Variants in PHTF1 observed in about 807,000 individuals in gnomAD.
PHTF1 encodes the protein protein PHTF1.
In PHTF1, 88 loss-of-function variants were observed where a neutral mutation model predicts 102.4. That is an observed-to-expected ratio of 0.86 (90% confidence interval 0.72 to 1.03). The LOEUF (loss-of-function observed/expected upper bound fraction) is 1.03. PHTF1 is among the 50% of genes least tolerant of loss of function. PHTF1 has a pLI of 0.00. For synonymous variants in PHTF1, 289 were observed against 305.2 expected (o/e 0.95, Z 0.55); for missense variants, 814 against 909.5 (o/e 0.89, Z 1.35).
At chr1:113,744,730 CCCTGACCTCAGGGCGACCAG>C (rs1441940756) in intron 3 of PHTF1, among the ~76,000 whole-genome samples, 8 of 152,120 alleles carry the variant, frequency 5.3e-5, no homozygotes, top group African/African-American at 7.2e-5. Context: ...CAGGCAGATT[CCCTGACCTCAGGGCGACCAG>C]CCTGGGCAAT....
At chr1:113,712,784 A>AT (rs35092721) in intron 8 of PHTF1, among the ~76,000 whole-genome samples, 3,538 of 131,434 alleles carry the variant, frequency 0.027, 147 homozygotes, top group African/African-American at 0.085. Flanking sequence ...AACTCACAAA[A>AT]TTTTTTTTTT....
intron 7 of PHTF1, among the ~76,000 whole-genome samples, chr1:113,722,034 TA>T (rs1653036069): frequency 6.6e-6 from 1 of 151,566 alleles, no homozygotes; most frequent in East Asian, 1.9e-4. Flanking sequence ...GCAAACAATC[TA>T]AAAAAGAAAT....
chr1:113,729,119 C>T (rs1292051544), intron 5 of PHTF1, among the ~76,000 whole-genome samples: 1 of 152,130 alleles, frequency 6.6e-6, no homozygotes, highest in East Asian at 1.9e-4. Flanking sequence ...TCATTTGCAA[C>T]AACATGGATG....
At chr1:113,728,113 G>A (rs1179618890) in intron 5 of PHTF1, among the ~76,000 whole-genome samples, 3 of 152,134 alleles carry the variant, frequency 2.0e-5, no homozygotes, top group Non-Finnish European at 4.4e-5. Flanking sequence ...GGAGGGCCGG[G>A]CCGAGGGAAG....
intron 3 of PHTF1, among the ~76,000 whole-genome samples, chr1:113,742,035 A>G (rs557762691): frequency 6.6e-6 from 1 of 152,326 alleles, no homozygotes; most frequent in Non-Finnish European, 1.5e-5. Flanking sequence ...GTGTAACAAG[A>G]GGAAGTACAT....
At chr1:113,744,456 G>C (rs768628741) in intron 3 of PHTF1, among the ~76,000 whole-genome samples, 1 of 152,196 alleles carries the variant, frequency 6.6e-6, no homozygotes, top group African/African-American at 2.4e-5. Context: ...CTGGTGCAGA[G>C]AGGGAAGTTA....
chr1:113,697,533 G>GTTGGAAAAGGAC lies in PHTF1; in HGVS notation c.*160_*171dup, dbSNP rs1648928457. On this transcript the variant is annotated 3_prime_UTR_variant, in exon 19 of 19. Transcript: ENST00000369604. ...TACAGGTTTTTAGCATGCACACCCA[G>GTTGGAAAAGGAC]TTGGAAAAGGACTTGCTCCTCCGGA... The GTTGGAAAAGGAC allele has an allele frequency of 1.8e-6, 1 of 568,940 alleles. No individual in the cohort carries two copies. Among genetic ancestry groups the GTTGGAAAAGGAC allele is most frequent in the South Asian group, 2.2e-5 (1 of 45,128 alleles). 35.2% of individuals were successfully genotyped at this position (568,940 alleles called of 1,614,324 possible).
At chr1:113,748,836 C>A (rs1359520689) in intron 3 of PHTF1, among the ~76,000 whole-genome samples, 1 of 152,170 alleles carries the variant, frequency 6.6e-6, no homozygotes, top group Non-Finnish European at 1.5e-5. Flanking sequence ...CCAGCCACCC[C>A]TGAATTTATT....
chr1:113,706,954 T>C (rs923616625), intron 11 of PHTF1, among the ~76,000 whole-genome samples: 2 of 146,410 alleles, frequency 1.4e-5, no homozygotes, highest in African/African-American at 5.0e-5. Flanking sequence ...CCTCCCTCTA[T>C]ACAGCCTTCT....
At chr1:113,749,991 GTTTTGT>G (rs1310082717) in intron 3 of PHTF1, among the ~76,000 whole-genome samples, 2 of 151,432 alleles carry the variant, frequency 1.3e-5, no homozygotes, top group African/African-American at 4.8e-5. Context: ...TTTGGGTTTT[GTTTTGT>G]TTTTGTTTTT....
At chr1:113,733,102 G>A (rs1454107137) in intron 5 of PHTF1, among the ~76,000 whole-genome samples, 11 of 113,416 alleles carry the variant, frequency 9.7e-5, no homozygotes, top group African/African-American at 3.6e-5. Context: ...ATGGGATCTC[G>A]CTATGTTTCC....
At chr1:113,748,468 C>G (rs1449068117) in intron 3 of PHTF1, among the ~76,000 whole-genome samples, 3 of 152,100 alleles carry the variant, frequency 2.0e-5, no homozygotes, top group African/African-American at 7.2e-5. Flanking sequence ...TTTTATACTA[C>G]TTTTCTGGGA....
chr1:113,706,520 A>C, intron 12 of PHTF1, 74 bp downstream of exon 12: 1 of 1,207,324 alleles, frequency 8.3e-7, no homozygotes, highest in Non-Finnish European at 1.1e-6. Context: ...TTTAATCACT[A>C]AGAGATTCTT....
intron 11 of PHTF1, 35 bp from the exon 12 acceptor site, chr1:113,706,757 G>A (rs1188773772): frequency 2.0e-6 from 3 of 1,531,468 alleles, no homozygotes; most frequent in Non-Finnish European, 2.7e-6. Flanking sequence ...TTCTATCCAT[G>A]CCCTCTTGCC....
At chr1:113,699,900 A>C in intron 16 of PHTF1, 101 bp from the exon 17 acceptor site, 1 of 693,412 alleles carries the variant, frequency 1.4e-6, no homozygotes, top group Non-Finnish European at 2.3e-6. Flanking sequence ...AAGTAAAATA[A>C]ATTTTGAAAT....
chr1:113,749,537 T>A (rs1019424573), intron 3 of PHTF1: 1 of 152,336 alleles, frequency 6.6e-6, no homozygotes, highest in African/African-American at 2.4e-5. Context: ...TCTTCCAGAA[T>A]CCAGAACTTC....
intron 3 of PHTF1, among the ~76,000 whole-genome samples, chr1:113,745,103 A>G (rs896493433): frequency 1.3e-5 from 2 of 152,062 alleles, no homozygotes; most frequent in African/African-American, 4.8e-5. Context: ...ATAGCATGGT[A>G]AAAACTAAAG....
At chr1:113,725,812 A>C (rs1653736818) in intron 6 of PHTF1, 1 of 152,928 alleles carries the variant, frequency 6.5e-6, no homozygotes, top group Non-Finnish European at 1.5e-5. Flanking sequence ...AAATTCAAAA[A>C]AAAAAATTAG....
chr1:113,712,809 C>T (rs1033724226), intron 8 of PHTF1, among the ~76,000 whole-genome samples: 6 of 140,500 alleles, frequency 4.3e-5, no homozygotes, highest in African/African-American at 1.4e-4. Context: ...TTTTTTGAGA[C>T]GGAGTCTCGC....
Sources: gnomAD v4.1 joint callset for allele counts (sites outside exome capture counted in the v4.1 genomes callset) on GRCh38, gnomAD v4.1.1 for gene constraint, MANE v1.5 for transcripts, NCBI Gene and HGNC (gene_info 2026-07-23, HGNC 2026-07-21) for gene names.